Variants in TTC28 observed in about 807,000 individuals in gnomAD.
TTC28 encodes tetratricopeptide repeat domain 28.
In TTC28, 61 loss-of-function variants were observed where a neutral mutation model predicts 198.0. The ratio of observed to expected loss-of-function variants is 0.31; its 90% CI spans 0.25 to 0.38. The LOEUF is 0.38. Ranked by LOEUF, TTC28 falls within the 10% of genes least tolerant of loss-of-function variation. The pLI, the probability that TTC28 is intolerant of heterozygous loss-of-function variation, is 1.00. For missense variants in TTC28, 2,678 were observed against 3,164.0 expected (o/e 0.85, Z 3.69); for synonymous variants, 1,171 against 1,297.8 (o/e 0.90, Z 2.10).
intron 5 of TTC28, among the ~76,000 whole-genome samples, chr22:28,221,632 A>C (rs1465146685): frequency 6.6e-6 from 1 of 152,042 alleles, no homozygotes; most frequent in Non-Finnish European, 1.5e-5. Context: ...GACTGAAACC[A>C]CTGGAACACC....
chr22:28,292,083 TTAA>T (rs1455222034), intron 5 of TTC28, among the ~76,000 whole-genome samples: 1 of 152,098 alleles, frequency 6.6e-6, no homozygotes, highest in Non-Finnish European at 1.5e-5. Flanking sequence ...TAACTTATAA[TTAA>T]TAATTAGTTA....
intron 5 of TTC28, among the ~76,000 whole-genome samples, chr22:28,191,842 C>G (rs1352168603): frequency 6.6e-6 from 1 of 152,218 alleles, no homozygotes; most frequent in Non-Finnish European, 1.5e-5. Context: ...CTGCCTGCCT[C>G]TGTAGACTCC....
At chr22:28,156,818 AAATTTAT>A (rs1171910732) in intron 6 of TTC28, among the ~76,000 whole-genome samples, 2 of 152,216 alleles carry the variant, frequency 1.3e-5, no homozygotes, top group Non-Finnish European at 2.9e-5. Flanking sequence ...AAGCAGTATT[AAATTTAT>A]AGCTATAAGT....
chr22:28,092,028 T>G (rs1333029830), intron 12 of TTC28, among the ~76,000 whole-genome samples: 1 of 152,192 alleles, frequency 6.6e-6, no homozygotes, highest in African/African-American at 2.4e-5. Context: ...TCAGCAGCCC[T>G]TGGTGGAGAA....
chr22:28,564,180 C>T (rs527953504), intron 2 of TTC28, among the ~76,000 whole-genome samples: 13 of 151,980 alleles, frequency 8.6e-5, no homozygotes, highest in African/African-American at 2.7e-4. Context: ...CCTTTTGGGG[C>T]GATGAAAATG....
chr22:28,513,069 G>T (rs537248398), intron 2 of TTC28, among the ~76,000 whole-genome samples: 2 of 138,548 alleles, frequency 1.4e-5, no homozygotes, highest in Non-Finnish European at 3.0e-5. Context: ...AAACTCAAAA[G>T]CTCCTGGATC....
rs960713044 is a variant in TTC28 at position 28,276,022 on chromosome 22, C to CT, written c.933+20175dup. ...TGACTGTCACCAGTAATTTTTTTTT[C>CT]TTTTTTTTTTAGAAAGGGCCTCACT... On this transcript the variant is annotated intron_variant, in intron 5 of 22. Coordinates refer to ENST00000397906, the MANE Select transcript of TTC28 (RefSeq NM_001145418.2). 2.7e-4 allele frequency among the ~76,000 whole-genome samples: 40 copies of CT among 146,504 alleles called. No individual in the cohort carries two copies. The East Asian group carries it at 4.6e-3, about 17-fold the overall frequency.
intron 2 of TTC28, among the ~76,000 whole-genome samples, chr22:28,333,645 A>T (rs1040587998): frequency 7.9e-5 from 12 of 152,080 alleles, no homozygotes; most frequent in African/African-American, 2.7e-4. Flanking sequence ...TATTTCCAGA[A>T]ATGTCTTAAA....
intron 2 of TTC28, among the ~76,000 whole-genome samples, chr22:28,542,973 T>C (rs2049449408): frequency 6.6e-6 from 1 of 152,092 alleles, no homozygotes; most frequent in Non-Finnish European, 1.5e-5. Flanking sequence ...GAAATGCAAC[T>C]TAAAGCAATG....
chr22:28,175,997 T>G (rs957765024), intron 5 of TTC28, among the ~76,000 whole-genome samples: 1 of 152,148 alleles, frequency 6.6e-6, no homozygotes, highest in Non-Finnish European at 1.5e-5. Context: ...TAAAAAACAA[T>G]GTGGAAGTTC....
At chr22:28,501,369 T>G (rs1371733016) in intron 2 of TTC28, among the ~76,000 whole-genome samples, 1 of 152,078 alleles carries the variant, frequency 6.6e-6, no homozygotes, top group Non-Finnish European at 1.5e-5. Flanking sequence ...CAAATGAGTG[T>G]AAAAGTAGAA....
intron 2 of TTC28, among the ~76,000 whole-genome samples, chr22:28,611,344 CCAT>C: frequency 6.6e-6 from 1 of 152,180 alleles, no homozygotes; most frequent in South Asian, 2.1e-4. Flanking sequence ...AATGGGAAGC[CCAT>C]CAGACTAACG....
chr22:28,588,235 C>T (rs2050356349), intron 2 of TTC28, among the ~76,000 whole-genome samples: 1 of 151,782 alleles, frequency 6.6e-6, no homozygotes, highest in South Asian at 2.1e-4. Flanking sequence ...AAGCTGTAAA[C>T]TTCAGTAATT....
At chr22:28,313,159 C>T (rs530663228) in intron 2 of TTC28, among the ~76,000 whole-genome samples, 1 of 152,168 alleles carries the variant, frequency 6.6e-6, no homozygotes. Flanking sequence ...AAGACTAAAC[C>T]AGGAAGAAGT....
At chr22:28,221,898 A>G (rs576935833) in intron 5 of TTC28, among the ~76,000 whole-genome samples, 1 of 152,320 alleles carries the variant, frequency 6.6e-6, no homozygotes, top group African/African-American at 2.4e-5. Flanking sequence ...GGAAAAGACC[A>G]TATCTATCCA....
intron 13 of TTC28, chr22:28,028,738 A>G (rs928944619): frequency 1.0e-5 from 3 of 293,344 alleles, no homozygotes; most frequent in Non-Finnish European, 2.0e-5. Flanking sequence ...GTTTAGCACT[A>G]TTCTTCCCAC....
At chr22:28,353,046 G>C (rs1244100949) in intron 2 of TTC28, among the ~76,000 whole-genome samples, 1 of 152,106 alleles carries the variant, frequency 6.6e-6, no homozygotes, top group African/African-American at 2.4e-5. Flanking sequence ...CTGATAACTA[G>C]TGGCTGGGAA....
chr22:28,544,276 T>A (rs577253601), intron 2 of TTC28, among the ~76,000 whole-genome samples: 18 of 152,234 alleles, frequency 1.2e-4, no homozygotes, highest in African/African-American at 3.6e-4. Context: ...CCTAGAATAT[T>A]TCCCACAGTT....
At chr22:28,240,374 T>C (rs1281885996) in intron 5 of TTC28, among the ~76,000 whole-genome samples, 2 of 152,180 alleles carry the variant, frequency 1.3e-5, no homozygotes, top group African/African-American at 4.8e-5. Flanking sequence ...TAAATTGGAA[T>C]TGGGGGTATC....
Sources: allele counts gnomAD v4.1 joint callset (sites outside exome capture counted in the v4.1 genomes callset), GRCh38; gene constraint gnomAD v4.1.1; transcripts MANE v1.5; gene names NCBI Gene and HGNC (gene_info 2026-07-23, HGNC 2026-07-21).